The following DEFB112 variants were observed in gnomAD, a reference collection of about 807,000 sequenced individuals.
DEFB112 encodes beta-defensin 112.
A neutral mutation model predicts 1.1 loss-of-function variants in DEFB112; 2 were observed. The ratio of observed to expected loss-of-function variants is 1.85; its 90% confidence interval spans 0.76 to 5.83. The LOEUF is 5.83. Ranked by LOEUF, DEFB112 falls within the 30% of genes most tolerant of loss-of-function variation. The probability of loss-of-function intolerance (pLI) is 0.05; values close to 1 mark genes in which losing one functional copy is unlikely to be tolerated. For missense variants in DEFB112, 120 were observed against 94.4 expected (o/e 1.27, Z -1.12); for synonymous variants, 40 against 31.2 (o/e 1.28, Z -0.93).
intron 1 of DEFB112, among the ~76,000 whole-genome samples, chr6:50,046,892 A>T (rs1278534342): frequency 6.6e-6 from 1 of 152,188 alleles, no homozygotes; most frequent in Non-Finnish European, 1.5e-5. Flanking sequence ...AGGTGAGCCT[A>T]GGGTTACATG....
intron 1 of DEFB112, 24 bp from the exon 2 acceptor site, chr6:50,043,825 G>T (rs766052139): frequency 6.2e-6 from 10 of 1,600,982 alleles, no homozygotes; most frequent in Non-Finnish European, 7.7e-6. Flanking sequence ...AGAACAGCTG[G>T]AATTAGTAAT....
At position 50,043,489 on chromosome 6, in the gene DEFB112, G is replaced by A; in HGVS notation, c.*86C>T. 1 of 916,198 alleles carries A rather than the reference G, an allele frequency of 1.1e-6. No homozygotes were observed. The highest frequency in any genetic ancestry group is 1.7e-6 in the Non-Finnish European group (1 of 578,642). The allele number at this position is 916,198 out of a possible 1,614,324, so 56.8% of individuals were successfully genotyped here. A position where few individuals can be genotyped will look rare whatever the true frequency, so the allele number is the denominator to read the frequency against. ...TTATTTATTCATTATAGGTATGCAT[G>A]CATGGAAATTATAGGTCATTAATGA... is the stretch of plus-strand genomic sequence containing the variant. On this transcript the variant is annotated 3_prime_UTR_variant, in exon 2 of 2. Transcript: ENST00000651554.
intron 1 of DEFB112, among the ~76,000 whole-genome samples, chr6:50,045,381 A>T (rs79785550): frequency 0.014 from 2,154 of 152,028 alleles, 52 homozygotes; most frequent in African/African-American, 0.049. Flanking sequence ...CCACATCATA[A>T]CCCCCTCCCT....
At chr6:50,047,378 T>C (rs532552768) in intron 1 of DEFB112, among the ~76,000 whole-genome samples, 1 of 152,280 alleles carries the variant, frequency 6.6e-6, no homozygotes, top group African/African-American at 2.4e-5. Flanking sequence ...TATGGTCATT[T>C]CCCTCTCTTT....
intron 1 of DEFB112, among the ~76,000 whole-genome samples, chr6:50,049,307 T>C (rs1774889561): frequency 6.6e-6 from 1 of 152,106 alleles, no homozygotes; most frequent in Non-Finnish European, 1.5e-5. Context: ...AAGGAGAATT[T>C]AACTGGAAGT....
At chr6:50,049,696 T>C (rs1449111917) in intron 1 of DEFB112, among the ~76,000 whole-genome samples, 116 bp downstream of exon 1, 1 of 152,152 alleles carries the variant, frequency 6.6e-6, no homozygotes, top group East Asian at 1.9e-4. Flanking sequence ...AAATGTAATG[T>C]AACATGATGA....
rs755529445 is a variant in DEFB112 at position 50,043,633 on chromosome 6, C to A, written c.227G>T (p.Trp76Leu). The change falls in exon 2 of 2, where the codon TGG becomes TTG. Residue 76 changes from tryptophan to leucine, a missense_variant. Trp to Leu is a moderately conservative substitution (Grantham distance 61, BLOSUM62 -2). Transcript: ENST00000651554. ...AGTCCCTACTGAGTCCTTTGGGATC[C>A]AATTATTTGGGTCCGTAGGGTCACA... The part of the protein sequence containing the change: ...TECDPTDPNN[W>L]IPKDSVGTQE... The A allele has an allele frequency of 1.2e-6, 2 of 1,613,372 alleles. No individual in the cohort carries two copies. Among genetic ancestry groups the A allele is most frequent in the Non-Finnish European group, 1.7e-6 (2 of 1,179,554 alleles).
intron 1 of DEFB112, among the ~76,000 whole-genome samples, chr6:50,046,074 A>C (rs1053229145): frequency 2.0e-5 from 3 of 152,140 alleles, no homozygotes; most frequent in African/African-American, 7.2e-5. Context: ...TTGTAGGCTA[A>C]TGTAAGTATT....
intron 1 of DEFB112, among the ~76,000 whole-genome samples, chr6:50,045,212 T>C (rs1774811897): frequency 6.6e-6 from 1 of 152,086 alleles, no homozygotes; most frequent in Admixed American, 6.6e-5. Context: ...CTCAGCATAG[T>C]TCTGTTCACA....
Position 50,043,283 on chromosome 6 carries a change from C to A in DEFB112, c.*292G>T. 6.6e-6 allele frequency among the ~76,000 whole-genome samples: 1 copy of A among 151,936 alleles called. No individual in the cohort carries two copies. The highest frequency in any genetic ancestry group is 1.9e-4 in the East Asian group (1 of 5,164). Reference sequence around the variant, plus strand: ...TACCTCACTAATGACTCATAATATGCTTTTCACACTAAATAAGGAATTGGC... The same window carrying A: ...TACCTCACTAATGACTCATAATATGATTTTCACACTAAATAAGGAATTGGC... On this transcript the variant is annotated 3_prime_UTR_variant, in exon 2 of 2. Coordinates refer to ENST00000651554, the MANE Select transcript of DEFB112 (RefSeq NM_001369057.2).
chr6:50,048,160 AT>A (rs796483935), intron 1 of DEFB112, among the ~76,000 whole-genome samples: 1,996 of 151,900 alleles, frequency 0.013, 40 homozygotes, highest in African/African-American at 0.046. Context: ...AAAAAAAAAA[AT>A]AAATATGTCC....
intron 1 of DEFB112, among the ~76,000 whole-genome samples, chr6:50,047,943 C>T (rs1385249136): frequency 1.3e-5 from 2 of 151,932 alleles, no homozygotes; most frequent in Non-Finnish European, 2.9e-5. Context: ...GTCAGGAGTT[C>T]GCTACCAGCC....
intron 1 of DEFB112, among the ~76,000 whole-genome samples, chr6:50,048,872 C>T (rs1239533962): frequency 1.3e-5 from 2 of 152,074 alleles, no homozygotes; most frequent in African/African-American, 4.8e-5. Context: ...GTTCACCTTG[C>T]ATGGCTATTG....
chr6:50,043,564 C>T lies in DEFB112; in HGVS notation c.*11G>A, dbSNP rs694470. On this transcript the variant is annotated 3_prime_UTR_variant, in exon 2 of 2. Coordinates refer to ENST00000651554, the MANE Select transcript of DEFB112 (RefSeq NM_001369057.2). ...CATTCAGATGTATCATCTTCTTGTG[C>T]ATGGATTTCTTCAATGACGTGAGTC... 6.2e-7 allele frequency: 1 copy of T among 1,602,608 alleles called. No homozygotes were observed. The highest frequency in any genetic ancestry group is 8.5e-7 in the Non-Finnish European group (1 of 1,170,988).
At position 50,043,505 on chromosome 6, in the gene DEFB112, T is replaced by C; in HGVS notation, c.*70A>G. 1 of 1,157,104 alleles carries C rather than the reference T, an allele frequency of 8.6e-7. No homozygotes were observed. Among genetic ancestry groups the C allele is most frequent in the South Asian group, 1.3e-5 (1 of 76,700 alleles). The allele number at this position is 1,157,104 out of a possible 1,614,324, so 71.7% of individuals were successfully genotyped here. A position where few individuals can be genotyped will look rare whatever the true frequency, so the allele number is the denominator to read the frequency against. On this transcript the variant is annotated 3_prime_UTR_variant, in exon 2 of 2. Transcript: ENST00000651554. The stretch of plus-strand genomic sequence containing the variant: ...GGTATGCATGCATGGAAATTATAGG[T>C]CATTAATGAAGTGATGAAATAATGA...
rs991211987 is a variant in DEFB112 at position 50,042,286 on chromosome 6, T to A, written c.*1289A>T. Among the ~76,000 whole-genome samples the A allele has an allele frequency of 5.9e-5, 9 of 151,972 alleles. No individual in the cohort carries two copies. Among genetic ancestry groups the A allele is most frequent in the Non-Finnish European group, 1.3e-4 (9 of 67,934 alleles). ...TGGTCAGAGAGCATAGTATTATACA[T>A]ATCAGGAATATCATATATAATTTGG... On this transcript the variant is annotated 3_prime_UTR_variant, in exon 2 of 2. Transcript: ENST00000651554.
chr6:50,049,191 T>A (rs1774888391), intron 1 of DEFB112, among the ~76,000 whole-genome samples: 1 of 152,126 alleles, frequency 6.6e-6, no homozygotes, highest in African/African-American at 2.4e-5. Flanking sequence ...TAGGGCAGAA[T>A]AACAGTAAAA....
chr6:50,045,104 T>A (rs1774810590), intron 1 of DEFB112, among the ~76,000 whole-genome samples: 1 of 152,014 alleles, frequency 6.6e-6, no homozygotes, highest in Non-Finnish European at 1.5e-5. Context: ...TGTATTTTAT[T>A]TGCAAATAGT....
intron 1 of DEFB112, among the ~76,000 whole-genome samples, chr6:50,047,040 G>A (rs917485031): frequency 6.6e-6 from 1 of 152,180 alleles, no homozygotes; most frequent in Non-Finnish European, 1.5e-5. Flanking sequence ...CTGGGGGTCA[G>A]CTTGGTGTTG....
Sources: gnomAD v4.1 joint callset for allele counts (sites outside exome capture counted in the v4.1 genomes callset) on GRCh38, gnomAD v4.1.1 for gene constraint, MANE v1.5 for transcripts, NCBI Gene and HGNC (gene_info 2026-07-23, HGNC 2026-07-21) for gene names.